Variants in BRAF observed in about 807,000 individuals in gnomAD.
The protein encoded by BRAF is serine/threonine-protein kinase B-raf.
Under a neutral mutation model 104.6 loss-of-function variants are expected in BRAF, and 16 were observed. The ratio of observed to expected loss-of-function variants is 0.15; its 90% CI spans 0.10 to 0.23. The LOEUF (loss-of-function observed/expected upper bound fraction) is 0.23, where lower values mean the gene tolerates loss of function less well. BRAF is among the 10% of genes least tolerant of loss of function. BRAF has a pLI of 1.00. For synonymous variants in BRAF, 310 were observed against 341.6 expected, an observed-to-expected ratio of 0.91 and a Z score of 1.02; for missense variants, 541 against 937.3, an observed-to-expected ratio of 0.58 and a Z score of 5.52.
chr7:140,821,104 G>A (rs1040062706), intron 3 of BRAF, among the ~76,000 whole-genome samples: 7 of 151,612 alleles, frequency 4.6e-5, no homozygotes, highest in African/African-American at 1.5e-4. Context: ...GGATTATCCC[G>A]CCTCAGTCTC....
intron 3 of BRAF, among the ~76,000 whole-genome samples, chr7:140,814,723 T>C (rs903507411): frequency 1.4e-5 from 2 of 139,316 alleles, no homozygotes; most frequent in African/African-American, 6.0e-5. Flanking sequence ...TGTATATAAT[T>C]TATATATAAC....
intron 17 of BRAF, among the ~76,000 whole-genome samples, chr7:140,748,445 CCA>C (rs1268326475): frequency 6.6e-6 from 1 of 152,088 alleles, no homozygotes; most frequent in Non-Finnish European, 1.5e-5. Flanking sequence ...ACAATCTGCT[CCA>C]GTTTCTCCAT....
intron 2 of BRAF, among the ~76,000 whole-genome samples, chr7:140,846,174 G>C (rs1171504213): frequency 6.6e-6 from 1 of 152,078 alleles, no homozygotes; most frequent in East Asian, 1.9e-4. Flanking sequence ...CCCCAAAGAA[G>C]TAAAAGGAAC....
chr7:140,890,973 G>GT (rs1182017504), intron 1 of BRAF, among the ~76,000 whole-genome samples: 1 of 152,156 alleles, frequency 6.6e-6, no homozygotes, highest in Non-Finnish European at 1.5e-5. Context: ...ATGTATTCAT[G>GT]TAACATGCAC....
chr7:140,783,132 G>T lies in BRAF; in HGVS notation c.1323C>A (p.Thr441=), dbSNP rs370130654. The change falls in exon 11 of 20, where the codon ACC becomes ACA. Residue 441 remains threonine (T), a synonymous_variant. Transcript: ENST00000644969. ...GTGAGCCAGGTAATGAGGCAGGGGGGGTAGCAGACAAACCTGTGGTTGATC... is the reference window on the plus strand; with the variant it reads ...GTGAGCCAGGTAATGAGGCAGGGGGTGTAGCAGACAAACCTGTGGTTGATC... ...FRGSTTGLSA[T]PPASLPGSLT... 4.3e-6 allele frequency: 7 copies of T among 1,613,880 alleles called. No homozygotes were observed. In the African/African-American group the frequency reaches 8.0e-5, roughly 18 times the overall value.
chr7:140,907,567 T>C (rs1563030415), intron 1 of BRAF, among the ~76,000 whole-genome samples: 1 of 150,658 alleles, frequency 6.6e-6, no homozygotes, highest in East Asian at 2.0e-4. Context: ...AGCCATTTTT[T>C]TTCCTTTATT....
chr7:140,793,502 TAA>T (rs959561834), intron 8 of BRAF, among the ~76,000 whole-genome samples: 34 of 152,078 alleles, frequency 2.2e-4, no homozygotes, highest in Non-Finnish European at 3.7e-4. Context: ...TTAAAATTTA[TAA>T]GTTTTTCTTT....
chr7:140,810,776 T>C (rs920175218), intron 3 of BRAF, among the ~76,000 whole-genome samples: 1 of 152,212 alleles, frequency 6.6e-6, no homozygotes, highest in Admixed American at 6.5e-5. Context: ...TTCATAGACA[T>C]GCGCAGAGCA....
intron 3 of BRAF, among the ~76,000 whole-genome samples, chr7:140,819,478 A>T (rs1805240389): frequency 6.6e-6 from 1 of 152,228 alleles, no homozygotes; most frequent in Non-Finnish European, 1.5e-5. Context: ...CAGTCTCTTA[A>T]AAGGTTACTA....
chr7:140,917,518 T>C (rs973901360), intron 1 of BRAF, among the ~76,000 whole-genome samples: 31 of 152,164 alleles, frequency 2.0e-4, no homozygotes, highest in African/African-American at 5.8e-4. Flanking sequence ...TCCTAGCTAC[T>C]TGGGAGGCTG....
chr7:140,832,097 T>A (rs1485475292), intron 3 of BRAF, among the ~76,000 whole-genome samples: 5 of 152,244 alleles, frequency 3.3e-5, no homozygotes, highest in Non-Finnish European at 1.5e-5. Flanking sequence ...TCCTATCCTG[T>A]TTTATTATTC....
chr7:140,771,258 C>T (rs1433345647), intron 14 of BRAF, among the ~76,000 whole-genome samples: 3 of 152,128 alleles, frequency 2.0e-5, no homozygotes, highest in Non-Finnish European at 4.4e-5. Context: ...TGTAGTGGCA[C>T]GATCATGGCT....
rs750735369 is a variant in BRAF, at chr7:140,754,172, T to G, written c.1861+15A>C. The G allele has an allele frequency of 1.9e-5, 31 of 1,612,274 alleles. No individual in the cohort carries two copies. The highest frequency in any genetic ancestry group is 2.5e-5 in the Non-Finnish European group (30 of 1,178,438). On this transcript the variant is annotated intron_variant, in intron 15 of 19. Transcript: ENST00000644969. ...GATGTTTTCAAACTTCGCAGACAAA[T>G]TTCAGGAAGGATACTATTACTCTTG...
intron 5 of BRAF, 139 bp from the exon 6 acceptor site, chr7:140,801,699 A>G (rs1382752640): frequency 2.0e-6 from 2 of 986,872 alleles, no homozygotes; most frequent in Non-Finnish European, 3.0e-6. Context: ...GTACTATTAT[A>G]AAATGAAAAC....
chr7:140,763,338 GA>G (rs1562947328), intron 14 of BRAF, among the ~76,000 whole-genome samples: 1 of 147,302 alleles, frequency 6.8e-6, no homozygotes, highest in Non-Finnish European at 1.5e-5. Context: ...GCAGGGGGCT[GA>G]CCCCCCCACC....
chr7:140,763,826 G>A (rs533576231), intron 14 of BRAF, among the ~76,000 whole-genome samples: 3 of 152,260 alleles, frequency 2.0e-5, no homozygotes, highest in South Asian at 2.1e-4. Context: ...ACCAAAAAGA[G>A]TCCAGGACCA....
rs551664320 is a variant in BRAF, at chr7:140,853,505, C to T, written c.139-3293G>A. ...CTAGCTTCATTTCTTATTGTTCTCC[C>T]GTCACTCATCCCATTCCAATCACAT... On this transcript the variant is annotated intron_variant, in intron 1 of 19. Coordinates refer to ENST00000644969, the MANE Select transcript of BRAF (RefSeq NM_001374258.1). 1.9e-3 allele frequency among the ~76,000 whole-genome samples: 285 copies of T among 152,254 alleles called. 1 individual carries two copies. Among genetic ancestry groups the T allele is most frequent in the African/African-American group, 6.5e-3 (272 of 41,534 alleles).
At chr7:140,866,730 C>G (rs1811006631) in intron 1 of BRAF, among the ~76,000 whole-genome samples, 1 of 151,656 alleles carries the variant, frequency 6.6e-6, no homozygotes, top group Admixed American at 6.6e-5. Context: ...TCTTAACGAC[C>G]TAAGGCATGA....
Position 140,722,475 on chromosome 7 carries a change from C to T in BRAF, c.*4019G>A, listed in dbSNP as rs778027229. 9.5e-7 allele frequency: 1 copy of T among 1,055,462 alleles called. No individual in the cohort carries two copies. The allele number at this position is 1,055,462 out of a possible 1,614,324, so 65.4% of individuals were successfully genotyped here. ...AAATTGTCAAGGTATTTTTCTAGAG[C>T]CTCACCTACACCATTTCAACTCATG... On this transcript the variant is annotated 3_prime_UTR_variant, in exon 20 of 20. Coordinates refer to ENST00000644969, the MANE Select transcript of BRAF (RefSeq NM_001374258.1).
Sources: allele counts gnomAD v4.1 joint callset (sites outside exome capture counted in the v4.1 genomes callset), GRCh38; gene constraint gnomAD v4.1.1; transcripts MANE v1.5; gene names NCBI Gene and HGNC (gene_info 2026-07-23, HGNC 2026-07-21).